Variants in CELF2 observed in about 807,000 individuals in gnomAD.
CELF2 encodes CUGBP Elav-like family member 2.
Under a neutral mutation model 62.6 loss-of-function variants are expected in CELF2, and 8 were observed. The observed-to-expected ratio is 0.13, with a 90% CI of 0.07 to 0.23. The LOEUF (loss-of-function observed/expected upper bound fraction) is 0.23. Among genes scored for constraint, CELF2 ranks in the 10% least tolerant of loss-of-function variants. CELF2 has a pLI of 1.00. For synonymous variants in CELF2, 258 were observed against 250.0 expected, an observed-to-expected ratio of 1.03 and a Z score of -0.30; for missense variants, 333 against 671.0, an observed-to-expected ratio of 0.50 and a Z score of 5.56.
At chr10:10,756,727 T>C in the CELF2 span, among the ~76,000 whole-genome samples, 4 of 152,224 alleles carry the variant, frequency 2.6e-5, no homozygotes, top group African/African-American at 4.8e-5. Context: ...TTCCATTCAT[T>C]TGTGATCAGT....
chr10:10,551,472 A>T, the CELF2 span, among the ~76,000 whole-genome samples: 1 of 152,104 alleles, frequency 6.6e-6, no homozygotes, highest in Admixed American at 6.5e-5. Flanking sequence ...TGTCTTGAAG[A>T]GGAAACTAAG....
chr10:10,700,105 TA>T, the CELF2 span, among the ~76,000 whole-genome samples: 4 of 152,226 alleles, frequency 2.6e-5, no homozygotes, highest in Admixed American at 2.6e-4. Context: ...GTTCAAATGC[TA>T]AAAACATGCT....
At chr10:10,717,633 C>T in the CELF2 span, among the ~76,000 whole-genome samples, 11 of 152,116 alleles carry the variant, frequency 7.2e-5, no homozygotes, top group East Asian at 1.9e-3. Flanking sequence ...CATATGTTGG[C>T]CTATAGGAAG....
chr10:11,197,026 A>AGGAAGGAAGGAAGGAAGG lies in CELF2; in HGVS notation c.272-20399_272-20398insGGAAGGAAGGAAGGAAGG, dbSNP rs1554936340. 5.6e-3 allele frequency among the ~76,000 whole-genome samples: 9 copies of AGGAAGGAAGGAAGGAAGG among 1,618 alleles called. 1 individual carries two copies. Among genetic ancestry groups the AGGAAGGAAGGAAGGAAGG allele is most frequent in the African/African-American group, 6.4e-3 (8 of 1,250 alleles). The allele number at this position is 1,618 out of a possible 152,430, so 1.1% of individuals were successfully genotyped here. On this transcript the variant is annotated intron_variant, in intron 2 of 12. Transcript: ENST00000633077. ...GGAGAAAGAAAGAAAGAAAGAAAGA[A>AGGAAGGAAGGAAGGAAGG]AAGAAAGAAAGAAAGAAAGAAAGAA...
At chr10:10,720,932 A>T in the CELF2 span, among the ~76,000 whole-genome samples, 1 of 152,250 alleles carries the variant, frequency 6.6e-6, no homozygotes, top group African/African-American at 2.4e-5. Flanking sequence ...ATATGAATGC[A>T]AATCCTAGAA....
chr10:10,606,292 C>A, the CELF2 span, among the ~76,000 whole-genome samples: 1 of 152,098 alleles, frequency 6.6e-6, no homozygotes, highest in Non-Finnish European at 1.5e-5. Context: ...TCCAGGAGAC[C>A]TTAGAAGGAT....
chr10:11,193,252 C>T (rs1407902641), intron 2 of CELF2, among the ~76,000 whole-genome samples: 7 of 152,118 alleles, frequency 4.6e-5, no homozygotes, highest in African/African-American at 1.7e-4. Flanking sequence ...GTCATTGCTT[C>T]CTGGTTGGAA....
chr10:11,076,594 A>C (rs2072017232), intron 1 of CELF2, among the ~76,000 whole-genome samples: 1 of 152,228 alleles, frequency 6.6e-6, no homozygotes, highest in Non-Finnish European at 1.5e-5. Context: ...TCCTGTTACC[A>C]GTGTAACATG....
At chr10:11,160,924 G>T (rs1406864408) in intron 1 of CELF2, among the ~76,000 whole-genome samples, 1 of 152,124 alleles carries the variant, frequency 6.6e-6, no homozygotes, top group Non-Finnish European at 1.5e-5. Flanking sequence ...CAAGATAAAA[G>T]AATAGAAATT....
the CELF2 span, among the ~76,000 whole-genome samples, chr10:10,674,095 G>A: frequency 1.3e-5 from 2 of 152,132 alleles, no homozygotes; most frequent in Admixed American, 6.5e-5. Flanking sequence ...ATGCCTGCTG[G>A]ATCTGTGAAT....
At chr10:10,485,410 C>T in the CELF2 span, among the ~76,000 whole-genome samples, 2 of 152,184 alleles carry the variant, frequency 1.3e-5, no homozygotes, top group Non-Finnish European at 2.9e-5. Flanking sequence ...AGCACCTGTA[C>T]ACATATAAAC....
intron 1 of CELF2, among the ~76,000 whole-genome samples, chr10:11,095,941 G>A (rs1466631740): frequency 6.6e-6 from 1 of 152,100 alleles, no homozygotes. Flanking sequence ...AGAATTTACA[G>A]TGTAACATTT....
intron 1 of CELF2, among the ~76,000 whole-genome samples, chr10:10,820,063 A>G (rs961042167): frequency 5.9e-5 from 9 of 152,084 alleles, no homozygotes; most frequent in Non-Finnish European, 1.3e-4. Context: ...AATAAGTCTC[A>G]TGGAATCTGA....
the CELF2 span, among the ~76,000 whole-genome samples, chr10:10,714,439 C>T: frequency 1.3e-5 from 2 of 152,112 alleles, no homozygotes; most frequent in Non-Finnish European, 2.9e-5. Context: ...AATTAGGGAG[C>T]TCTGCCGGCT....
chr10:10,525,752 A>T, the CELF2 span, among the ~76,000 whole-genome samples: 1 of 152,220 alleles, frequency 6.6e-6, no homozygotes, highest in Non-Finnish European at 1.5e-5. Context: ...AGGTTGATGG[A>T]TTCCGTATCT....
At chr10:11,153,981 G>C (rs2063818350) in intron 1 of CELF2, among the ~76,000 whole-genome samples, 1 of 152,210 alleles carries the variant, frequency 6.6e-6, no homozygotes, top group Admixed American at 6.5e-5. Flanking sequence ...ATTTGATTCT[G>C]AAAGACTCCA....
At chr10:11,170,552 T>C (rs996881485) in intron 2 of CELF2, among the ~76,000 whole-genome samples, 1 of 151,348 alleles carries the variant, frequency 6.6e-6, no homozygotes, top group African/African-American at 2.4e-5. Flanking sequence ...GAACCCAGAG[T>C]TGGAGATGTT....
intron 1 of CELF2, among the ~76,000 whole-genome samples, chr10:11,055,661 A>C (rs1054741345): frequency 6.6e-6 from 1 of 152,220 alleles, no homozygotes; most frequent in African/African-American, 2.4e-5. Context: ...TCTTTGCTAA[A>C]TGTGGCCTAA....
At chr10:11,084,951 C>A (rs1419318674) in intron 1 of CELF2, among the ~76,000 whole-genome samples, 1 of 152,114 alleles carries the variant, frequency 6.6e-6, no homozygotes, top group Admixed American at 6.5e-5. Flanking sequence ...TAAAAGTATC[C>A]TTTTGGGATG....
Sources: allele counts gnomAD v4.1 joint callset (sites outside exome capture counted in the v4.1 genomes callset), GRCh38; gene constraint gnomAD v4.1.1; transcripts MANE v1.5; gene names NCBI Gene and HGNC (gene_info 2026-07-23, HGNC 2026-07-21).